Variants in CSMD1 observed in about 807,000 individuals in gnomAD.
CSMD1 encodes CUB and Sushi multiple domains 1, also known as CUB and sushi domain-containing protein 1.
A neutral mutation model predicts 417.5 loss-of-function variants in CSMD1; 213 were observed. That is an observed-to-expected ratio of 0.51 (90% CI 0.46 to 0.57). The LOEUF is 0.57. Ranked by LOEUF, CSMD1 falls within the 20% of genes least tolerant of loss-of-function variation. The pLI, the probability that CSMD1 is intolerant of heterozygous loss-of-function variation, is 0.00. For synonymous variants in CSMD1, 2,862 were observed against 1,736.8 expected (o/e 1.65, Z -16.11); for missense variants, 6,923 against 4,529.7 (o/e 1.53, Z -15.17).
At chr8:4,425,483 T>G (rs1797496489) in intron 2 of CSMD1, among the ~76,000 whole-genome samples, 1 of 152,114 alleles carries the variant, frequency 6.6e-6, no homozygotes, top group South Asian at 2.1e-4. Context: ...AAATTTGTGA[T>G]TAAATGTTTA....
chr8:3,187,810 G>A, intron 36 of CSMD1, 59 bp downstream of exon 36: 2 of 1,252,490 alleles, frequency 1.6e-6, no homozygotes, highest in Non-Finnish European at 2.3e-6. Context: ...TATTTATGTT[G>A]TTTTCTTGGT....
At chr8:4,058,374 C>A (rs1485967270) in intron 3 of CSMD1, among the ~76,000 whole-genome samples, 2 of 152,044 alleles carry the variant, frequency 1.3e-5, no homozygotes, top group Non-Finnish European at 1.5e-5. Flanking sequence ...TGATTTTTGT[C>A]CATTGATTTT....
intron 3 of CSMD1, among the ~76,000 whole-genome samples, chr8:4,062,774 C>T (rs6991934): frequency 0.24 from 36,117 of 151,306 alleles, 4,904 homozygotes; most frequent in South Asian, 0.31. Flanking sequence ...TCAGTAAAAT[C>T]TGATTGTTCA....
intron 1 of CSMD1, among the ~76,000 whole-genome samples, chr8:4,983,909 G>A (rs748170392): frequency 1.3e-5 from 2 of 152,102 alleles, no homozygotes; most frequent in Non-Finnish European, 2.9e-5. Context: ...CAAAGTTATG[G>A]TCGATGAGGT....
At chr8:3,063,368 G>A (rs917546269) in intron 49 of CSMD1, among the ~76,000 whole-genome samples, 7 of 152,150 alleles carry the variant, frequency 4.6e-5, no homozygotes, top group Non-Finnish European at 1.0e-4. Context: ...ACAAAGATGT[G>A]ATAAAATTGA....
rs919248614 is a variant in CSMD1 at position 3,154,119 on chromosome 8, ACTG to A, written c.5915-2609_5915-2607del. Among the ~76,000 whole-genome samples, 10 of 152,144 alleles carry A rather than the reference ACTG, an allele frequency of 6.6e-5. 1 individual carries two copies. The highest frequency in any genetic ancestry group is 4.1e-4 in the South Asian group (2 of 4,828). On this transcript the variant is annotated intron_variant, in intron 39 of 69. Coordinates refer to ENST00000635120, the MANE Select transcript of CSMD1 (RefSeq NM_033225.6). ...GTAGCTGGGATTACAGGCGCCCACAACTGCGACTACGCCTGGCTAATTTTTGTA... is the reference window on the plus strand; with the variant it reads ...GTAGCTGGGATTACAGGCGCCCACAACGACTACGCCTGGCTAATTTTTGTA...
At chr8:4,419,845 G>A (rs763748445) in intron 3 of CSMD1, 108 bp downstream of exon 3, 28 of 749,572 alleles carry the variant, frequency 3.7e-5, no homozygotes, top group Middle Eastern at 2.4e-4. Context: ...TCTACACCAC[G>A]GAACGACCTG....
chr8:3,850,313 T>A (rs994187004), intron 5 of CSMD1, among the ~76,000 whole-genome samples: 1 of 152,236 alleles, frequency 6.6e-6, no homozygotes, highest in Non-Finnish European at 1.5e-5. Flanking sequence ...ATAGCTTTGT[T>A]TTCCATAGGG....
chr8:3,494,750 C>T (rs968577648), intron 10 of CSMD1, among the ~76,000 whole-genome samples: 31 of 151,934 alleles, frequency 2.0e-4, no homozygotes, highest in African/African-American at 6.8e-4. Flanking sequence ...GAAAGGAAGG[C>T]GGAAGAGAGA....
intron 3 of CSMD1, among the ~76,000 whole-genome samples, chr8:4,144,414 A>T (rs1014976560): frequency 6.6e-6 from 1 of 151,108 alleles, no homozygotes; most frequent in Non-Finnish European, 1.5e-5. Flanking sequence ...TGCCAGGAAA[A>T]ATCTGAAGTG....
At chr8:3,350,425 A>G (rs1389496760) in intron 21 of CSMD1, among the ~76,000 whole-genome samples, 2 of 152,142 alleles carry the variant, frequency 1.3e-5, no homozygotes, top group Admixed American at 6.6e-5. Context: ...TACAAACCAA[A>G]TGTCTTTCCC....
At position 3,511,762 on chromosome 8, in the gene CSMD1, A is replaced by AATAACATAACATAAC. The variant is rs200325169; in HGVS notation, c.1345-18051_1345-18037dup. On this transcript the variant is annotated intron_variant, in intron 10 of 69. Transcript: ENST00000635120. ...CAGAGTGAGACTCCATCTCTAAAAA[A>AATAACATAACATAAC]ATAACATAACATAACATAACATAAC... Among the ~76,000 whole-genome samples, 329 of 138,420 alleles carry AATAACATAACATAAC rather than the reference A, an allele frequency of 2.4e-3. 3 individuals are homozygous for AATAACATAACATAAC. Among genetic ancestry groups the AATAACATAACATAAC allele is most frequent in the Middle Eastern group, 7.2e-3 (2 of 278 alleles). The allele number at this position is 138,420 out of a possible 152,430, so 90.8% of individuals were successfully genotyped here.
intron 55 of CSMD1, 138 bp from the exon 56 acceptor site, chr8:2,974,762 T>C: frequency 1.9e-6 from 1 of 517,280 alleles, no homozygotes; most frequent in African/African-American, 1.9e-5. Flanking sequence ...TTATGTAATT[T>C]GTGAGAAATA....
At chr8:3,715,317 T>C (rs1207469100) in intron 6 of CSMD1, among the ~76,000 whole-genome samples, 1 of 152,182 alleles carries the variant, frequency 6.6e-6, no homozygotes, top group Non-Finnish European at 1.5e-5. Flanking sequence ...CAGTAGGAGC[T>C]ATGTCTCTAC....
intron 2 of CSMD1, among the ~76,000 whole-genome samples, chr8:4,461,415 A>G (rs548733345): frequency 1.1e-4 from 17 of 152,108 alleles, no homozygotes; most frequent in South Asian, 8.3e-4. Context: ...AGATAAAAAT[A>G]TAACTATTTA....
At chr8:3,259,861 AAAAT>A (rs1356555890) in intron 26 of CSMD1, among the ~76,000 whole-genome samples, 1 of 57,482 alleles carries the variant, frequency 1.7e-5, no homozygotes, top group Admixed American at 1.8e-4. Flanking sequence ...AAAAAATATC[AAAAT>A]AAAATATTAA....
At chr8:4,212,445 T>G (rs991840297) in intron 3 of CSMD1, among the ~76,000 whole-genome samples, 4 of 152,132 alleles carry the variant, frequency 2.6e-5, no homozygotes, top group African/African-American at 9.7e-5. Flanking sequence ...CAGAAAATCA[T>G]GAAAAATGTA....
intron 52 of CSMD1, among the ~76,000 whole-genome samples, chr8:3,003,710 G>A (rs1291746474): frequency 1.3e-5 from 2 of 152,180 alleles, no homozygotes; most frequent in East Asian, 1.9e-4. Flanking sequence ...CTGAGGGTGT[G>A]CGGACCTAGC....
At chr8:4,211,156 A>G (rs1016952857) in intron 3 of CSMD1, among the ~76,000 whole-genome samples, 2 of 151,968 alleles carry the variant, frequency 1.3e-5, no homozygotes, top group South Asian at 4.1e-4. Flanking sequence ...TAAATAATTT[A>G]TCCAGGAAAA....
Sources: allele counts gnomAD v4.1 joint callset (sites outside exome capture counted in the v4.1 genomes callset), GRCh38; gene constraint gnomAD v4.1.1; transcripts MANE v1.5; gene names NCBI Gene and HGNC (gene_info 2026-07-23, HGNC 2026-07-21).